Variants in NEU3 observed in about 807,000 individuals in gnomAD.
The protein encoded by NEU3 is sialidase-3.
In NEU3, 10 loss-of-function variants were observed where a neutral mutation model predicts 11.4. The ratio of observed to expected loss-of-function variants is 0.88; its 90% confidence interval spans 0.54 to 1.49. The LOEUF (loss-of-function observed/expected upper bound fraction) is 1.49. NEU3 is among the 40% of genes most tolerant of loss of function. NEU3 has a pLI of 0.00. For synonymous variants in NEU3, 212 were observed against 228.2 expected (o/e 0.93, Z 0.64); for missense variants, 529 against 581.8 (o/e 0.91, Z 0.93).
At chr11:74,991,760 G>T (rs535120057) in intron 1 of NEU3, among the ~76,000 whole-genome samples, 3 of 152,138 alleles carry the variant, frequency 2.0e-5, no homozygotes, top group African/African-American at 7.2e-5. Flanking sequence ...TCACATCCTT[G>T]TCCTCTGCGC....
chr11:74,997,459 C>T (rs1412388884), intron 2 of NEU3, among the ~76,000 whole-genome samples: 1 of 152,164 alleles, frequency 6.6e-6, no homozygotes, highest in East Asian at 1.9e-4. Context: ...GATCTTTTAT[C>T]CAGACCTCTA....
upstream of NEU3, among the ~76,000 whole-genome samples, chr11:74,987,681 T>C (rs546846023): frequency 5.9e-4 from 89 of 151,872 alleles, no homozygotes; most frequent in African/African-American, 2.0e-3. Context: ...GGCGTGGTGG[T>C]GGGCGCCTGT....
Position 75,008,629 on chromosome 11 carries a change from A to T in NEU3, c.*2137A>T, listed in dbSNP as rs925391638. 1 of 150,976 alleles carries T rather than the reference A, an allele frequency of 6.6e-6. No homozygotes were observed. The highest frequency in any genetic ancestry group is 2.1e-4 in the South Asian group (1 of 4,776). 9.4% of individuals were successfully genotyped at this position (150,976 alleles called of 1,614,324 possible). A position where few individuals can be genotyped will look rare whatever the true frequency, so the allele number is the denominator to read the frequency against. On this transcript the variant is annotated 3_prime_UTR_variant, in exon 3 of 3. Coordinates refer to ENST00000294064, the MANE Select transcript of NEU3 (RefSeq NM_006656.6). Reference sequence around the variant, plus strand: ...GAGTACAGTGGCACAATCTCAGCTCACTGCAGTCTCCGCCTCCTGGGTTCA... The same window carrying T: ...GAGTACAGTGGCACAATCTCAGCTCTCTGCAGTCTCCGCCTCCTGGGTTCA...
In NEU3 at chr11:75,006,265, G is replaced by T; in HGVS notation, c.1159G>T (p.Ala387Ser). Reference sequence around the variant, plus strand: ...CTATCTCAACCAGACCCCCTTGGAGGCTGCCTGCTGGTCCCGCCCCTGGAT... The same window carrying T: ...CTATCTCAACCAGACCCCCTTGGAGTCTGCCTGCTGGTCCCGCCCCTGGAT... ...GIYLNQTPLE[A>S]ACWSRPWILH... Residue 387 changes from alanine (A) to serine (S), a missense_variant, in exon 3 of 3, where the codon GCT becomes TCT. By Grantham distance (99) the Ala-to-Ser change is moderately conservative. Coordinates refer to ENST00000294064, the MANE Select transcript of NEU3 (RefSeq NM_006656.6). The T allele has an allele frequency of 6.2e-7, 1 of 1,613,988 alleles. No homozygotes were observed. Among genetic ancestry groups the T allele is most frequent in the Non-Finnish European group, 8.5e-7 (1 of 1,179,890 alleles).
chr11:75,000,549 A>G (rs1276122933), intron 2 of NEU3, among the ~76,000 whole-genome samples: 3 of 151,918 alleles, frequency 2.0e-5, no homozygotes, highest in Admixed American at 2.0e-4. Context: ...ATGTTGTAGC[A>G]TGTATCAGAA....
intron 2 of NEU3, among the ~76,000 whole-genome samples, chr11:75,002,278 C>A (rs1373532274): frequency 6.6e-6 from 1 of 152,228 alleles, no homozygotes; most frequent in Admixed American, 6.5e-5. Flanking sequence ...ATCTCAAACT[C>A]CTGGCCTCAG....
intron 1 of NEU3, 146 bp downstream of exon 1, chr11:74,989,300 G>C: frequency 1.5e-6 from 1 of 648,806 alleles, no homozygotes; most frequent in South Asian, 1.9e-5. Context: ...CCTGGCCAGA[G>C]AATTCTTGGC....
At chr11:75,013,763 G>A (rs572679675), downstream of NEU3, among the ~76,000 whole-genome samples, 35 of 152,242 alleles carry the variant, frequency 2.3e-4, no homozygotes, top group African/African-American at 8.4e-4. Context: ...ACATTCTCTC[G>A]CTTAATTCAG....
In NEU3 at chr11:75,005,607, T is replaced by C; in HGVS notation, c.501T>C (p.Ala167=). The part of the protein sequence containing the change: ...ARLCFIYSQD[A]GCSWSEVRDL... ...TTTGCTTCATCTACAGTCAGGATGC[T>C]GGATGTTCATGGAGTGAGGTGAGGG... Residue 167 remains alanine (A), a synonymous_variant, in exon 3 of 3, where the codon GCT becomes GCC. Coordinates refer to ENST00000294064, the MANE Select transcript of NEU3 (RefSeq NM_006656.6). 2 of 1,614,040 alleles carry C rather than the reference T, an allele frequency of 1.2e-6. No homozygotes were observed. The highest frequency in any genetic ancestry group is 1.7e-6 in the Non-Finnish European group (2 of 1,179,904).
chr11:74,993,079 C>A (rs1948749644), intron 1 of NEU3, among the ~76,000 whole-genome samples: 1 of 152,172 alleles, frequency 6.6e-6, no homozygotes, highest in South Asian at 2.1e-4. Context: ...CCTTAATCTG[C>A]CCTCAGCTGC....
chr11:74,989,456 T>C (rs902211720), intron 1 of NEU3, among the ~76,000 whole-genome samples: 2 of 152,178 alleles, frequency 1.3e-5, no homozygotes, highest in Non-Finnish European at 2.9e-5. Context: ...CAGTTTCAAC[T>C]TAGGAGACCT....
At chr11:74,991,625 A>G (rs1004192658) in intron 1 of NEU3, among the ~76,000 whole-genome samples, 1 of 152,186 alleles carries the variant, frequency 6.6e-6, no homozygotes, top group African/African-American at 2.4e-5. Context: ...GCCTCCCAGG[A>G]TCTGGACTGT....
intron 3 of NEU3, among the ~76,000 whole-genome samples, chr11:75,017,767 TGCCTAGA>T (rs1274177742): frequency 6.6e-6 from 1 of 152,168 alleles, no homozygotes; most frequent in African/African-American, 2.4e-5. Flanking sequence ...ATGCCTGCCC[TGCCTAGA>T]GCACTCTAGA....
At chr11:74,996,713 A>G (rs987019663) in intron 2 of NEU3, among the ~76,000 whole-genome samples, 7 of 152,236 alleles carry the variant, frequency 4.6e-5, no homozygotes, top group African/African-American at 1.4e-4. Context: ...CAGAGTAATC[A>G]CTATCTATGG....
rs566758224 is a variant in NEU3, at chr11:74,994,827, G to A, written c.306+107G>A. On this transcript the variant is annotated intron_variant, in intron 2 of 2. Coordinates refer to ENST00000294064, the MANE Select transcript of NEU3 (RefSeq NM_006656.6). ...TCATCAGTACAGGAAAGCCCTGTGT[G>A]GGGAGCAGAGGCAGAAAAAACAGCA... The A allele has an allele frequency of 6.8e-5, 71 of 1,048,956 alleles. No homozygotes were observed. The African/African-American group carries it at 1.1e-3, about 16-fold the overall frequency. 65.0% of individuals were successfully genotyped at this position (1,048,956 alleles called of 1,614,324 possible).
At chr11:75,014,579 CT>C (rs1305917238), downstream of NEU3, among the ~76,000 whole-genome samples, 2 of 152,170 alleles carry the variant, frequency 1.3e-5, no homozygotes, top group African/African-American at 4.8e-5. Flanking sequence ...GGTTTTTCAT[CT>C]GTAAAAACTA....
chr11:75,014,331 A>G (rs1948972308), downstream of NEU3, among the ~76,000 whole-genome samples: 1 of 152,218 alleles, frequency 6.6e-6, no homozygotes, highest in African/African-American at 2.4e-5. Flanking sequence ...CTGAGTCACA[A>G]GTTGGAGATA....
rs996212292 is a variant in NEU3 at position 74,990,556 on chromosome 11, C to T, written c.94+1402C>T. ...TGTATTTTTAGTAGAGATGGGGTGT[C>T]ACCATGTTGGCCAGGGTGGTCTCGA... On this transcript the variant is annotated intron_variant, in intron 1 of 2. Coordinates refer to ENST00000294064, the MANE Select transcript of NEU3 (RefSeq NM_006656.6). Among the ~76,000 whole-genome samples, 2 of 152,086 alleles carry T rather than the reference C, an allele frequency of 1.3e-5. 1 individual carries two copies. The highest frequency in any genetic ancestry group is 6.3e-3 in the Middle Eastern group (2 of 316).
chr11:75,006,266 C>A lies in NEU3; in HGVS notation c.1160C>A (p.Ala387Asp). The change falls in exon 3 of 3, where the codon GCT (alanine) becomes GAT (aspartate). Residue 387 changes from alanine to aspartate, a missense_variant. Transcript: ENST00000294064. Reference protein sequence around the residue: ...GIYLNQTPLEAACWSRPWILH... With the variant: ...GIYLNQTPLEDACWSRPWILH... The stretch of plus-strand genomic sequence containing the variant: ...TATCTCAACCAGACCCCCTTGGAGG[C>A]TGCCTGCTGGTCCCGCCCCTGGATC... The A allele has an allele frequency of 6.2e-7, 1 of 1,613,998 alleles. No individual in the cohort carries two copies.
Sources: allele counts gnomAD v4.1 joint callset (sites outside exome capture counted in the v4.1 genomes callset), GRCh38; gene constraint gnomAD v4.1.1; transcripts MANE v1.5; gene names NCBI Gene and HGNC (gene_info 2026-07-23, HGNC 2026-07-21).